Variants in CMSS1 observed in about 807,000 individuals in gnomAD.
The protein encoded by CMSS1 is cms1 ribosomal small subunit homolog, also known as protein CMSS1.
In CMSS1, 33 loss-of-function variants were observed where a neutral mutation model predicts 43.5. The observed-to-expected ratio is 0.76, with a 90% CI of 0.57 to 1.01. The LOEUF is 1.01. Among genes scored for constraint, CMSS1 ranks in the 50% least tolerant of loss-of-function variants. The pLI is 0.00. For synonymous variants in CMSS1, 115 were observed against 117.2 expected, an observed-to-expected ratio of 0.98 and a Z score of 0.12; for missense variants, 313 against 326.4, an observed-to-expected ratio of 0.96 and a Z score of 0.32.
At chr3:99,987,090 C>A (rs552842882) in intron 1 of CMSS1, among the ~76,000 whole-genome samples, 1 of 151,912 alleles carries the variant, frequency 6.6e-6, no homozygotes, top group African/African-American at 2.4e-5. Context: ...ATTAGCCAAC[C>A]GTGGTGGCAT....
chr3:99,830,725 T>C, intron 1 of CMSS1: 1 of 393,784 alleles, frequency 2.5e-6, no homozygotes, highest in South Asian at 1.9e-5. Flanking sequence ...TTTCTGGGGA[T>C]GTATCAGATC....
intron 1 of CMSS1, among the ~76,000 whole-genome samples, chr3:100,052,074 A>C (rs2065383918): frequency 6.6e-6 from 1 of 152,026 alleles, no homozygotes; most frequent in African/African-American, 2.4e-5. Context: ...CATATGTGTT[A>C]TTTGTCACAT....
chr3:99,921,811 G>T (rs144898688), intron 1 of CMSS1, among the ~76,000 whole-genome samples: 133 of 152,088 alleles, frequency 8.7e-4, no homozygotes, highest in African/African-American at 3.1e-3. Flanking sequence ...TGATTTAGTA[G>T]TATACACTTT....
chr3:99,886,045 G>A (rs1234275877), intron 1 of CMSS1, among the ~76,000 whole-genome samples: 1 of 152,222 alleles, frequency 6.6e-6, no homozygotes, highest in Non-Finnish European at 1.5e-5. Context: ...GATAAAAGAG[G>A]TATTACACTT....
intron 1 of CMSS1, among the ~76,000 whole-genome samples, chr3:99,904,369 A>G (rs1706542691): frequency 6.6e-6 from 1 of 152,250 alleles, no homozygotes; most frequent in Non-Finnish European, 1.5e-5. Context: ...TTTCAGTAGT[A>G]GAATCTGCCT....
chr3:99,958,870 G>C (rs180935482), intron 1 of CMSS1, among the ~76,000 whole-genome samples: 164 of 152,232 alleles, frequency 1.1e-3, no homozygotes, highest in African/African-American at 3.7e-3. Flanking sequence ...AAGAATTTTG[G>C]CTTTACACTT....
At chr3:100,057,824 C>T (rs560967517) in intron 1 of CMSS1, among the ~76,000 whole-genome samples, 1 of 152,288 alleles carries the variant, frequency 6.6e-6, no homozygotes, top group East Asian at 1.9e-4. Flanking sequence ...TTAACAGGGT[C>T]ACTGCCCTCA....
chr3:100,106,091 G>A (rs761538006), intron 1 of CMSS1, among the ~76,000 whole-genome samples: 2 of 152,180 alleles, frequency 1.3e-5, no homozygotes, highest in African/African-American at 4.8e-5. Flanking sequence ...TATAGCATAT[G>A]GAGAAAATAT....
At chr3:99,983,434 A>C (rs1278593994) in intron 1 of CMSS1, among the ~76,000 whole-genome samples, 1 of 67,820 alleles carries the variant, frequency 1.5e-5, no homozygotes, top group Non-Finnish European at 2.8e-5. Context: ...GTATGTATGT[A>C]TATATATGTA....
At chr3:99,945,803 C>A (rs953925437) in intron 1 of CMSS1, among the ~76,000 whole-genome samples, 1 of 152,146 alleles carries the variant, frequency 6.6e-6, no homozygotes, top group Non-Finnish European at 1.5e-5. Context: ...AACTTTAACC[C>A]CAATTTTTTT....
At chr3:99,974,049 A>G (rs1039604863) in intron 1 of CMSS1, among the ~76,000 whole-genome samples, 5 of 152,254 alleles carry the variant, frequency 3.3e-5, no homozygotes, top group Middle Eastern at 3.2e-3. Flanking sequence ...TTTAAGAACA[A>G]GAAGGTTTTC....
intron 1 of CMSS1, among the ~76,000 whole-genome samples, chr3:99,925,120 C>T (rs1415826967): frequency 6.6e-6 from 1 of 152,124 alleles, no homozygotes; most frequent in Admixed American, 6.5e-5. Context: ...GTTCTCTGTA[C>T]CAGTATATGC....
chr3:100,111,188 A>G (rs1230371803), intron 1 of CMSS1, among the ~76,000 whole-genome samples: 2 of 152,186 alleles, frequency 1.3e-5, no homozygotes, highest in Non-Finnish European at 2.9e-5. Flanking sequence ...GTAAGGACCT[A>G]GAAGGGCAAT....
chr3:100,073,470 G>A (rs2065795460), intron 1 of CMSS1, among the ~76,000 whole-genome samples: 1 of 152,184 alleles, frequency 6.6e-6, no homozygotes, highest in Admixed American at 6.5e-5. Context: ...AAAGACTGGG[G>A]TAGAGGAGAT....
chr3:100,032,171 A>G (rs2065032806), intron 1 of CMSS1, among the ~76,000 whole-genome samples: 1 of 152,194 alleles, frequency 6.6e-6, no homozygotes, highest in Admixed American at 6.5e-5. Context: ...GTAAAATATG[A>G]TACTTGAAAG....
intron 1 of CMSS1, among the ~76,000 whole-genome samples, chr3:100,089,996 C>T (rs929395151): frequency 6.6e-6 from 1 of 152,290 alleles, no homozygotes; most frequent in South Asian, 2.1e-4. Flanking sequence ...CCTACTCCCC[C>T]GCAACTGCAA....
chr3:100,162,484 T>C, intron 4 of CMSS1, 52 bp downstream of exon 4: 2 of 1,575,574 alleles, frequency 1.3e-6, no homozygotes, highest in Non-Finnish European at 1.7e-6. Flanking sequence ...CATAAGTATC[T>C]GTTATGGTTA....
intron 1 of CMSS1, among the ~76,000 whole-genome samples, chr3:99,900,449 C>T (rs1357688840): frequency 6.6e-6 from 1 of 152,190 alleles, no homozygotes; most frequent in Non-Finnish European, 1.5e-5. Flanking sequence ...AACTGAGTCT[C>T]TAAGAGGTCA....
intron 1 of CMSS1, among the ~76,000 whole-genome samples, chr3:100,067,627 A>G (rs2065689150): frequency 6.6e-6 from 1 of 152,242 alleles, no homozygotes; most frequent in Admixed American, 6.5e-5. Context: ...AACAACTAGA[A>G]TTCACAAGAT....
Sources: gnomAD v4.1 joint callset for allele counts (sites outside exome capture counted in the v4.1 genomes callset) on GRCh38, gnomAD v4.1.1 for gene constraint, MANE v1.5 for transcripts, NCBI Gene and HGNC (gene_info 2026-07-23, HGNC 2026-07-21) for gene names.